MED13L: variants seen among roughly 807,000 people sequenced by gnomAD.
MED13L encodes the protein mediator complex subunit 13L, also known as mediator of RNA polymerase II transcription subunit 13-like.
MED13L carries 7 observed loss-of-function variants against 220.9 expected under a neutral mutation model. The observed-to-expected ratio is 0.03, with a 90% CI of 0.02 to 0.06. The LOEUF is 0.06. Among genes scored for constraint, MED13L ranks in the 10% least tolerant of loss-of-function variants. The pLI is 1.00. For synonymous variants in MED13L, 1,011 were observed against 1,015.2 expected (o/e 1.00, Z 0.08); for missense variants, 1,965 against 2,760.5 (o/e 0.71, Z 6.46).
chr12:116,001,223 G>C (rs1878721505), intron 14 of MED13L, among the ~76,000 whole-genome samples: 1 of 152,094 alleles, frequency 6.6e-6, no homozygotes, highest in Non-Finnish European at 1.5e-5. Context: ...TTGAGATGGA[G>C]TCTTGCTCTG....
intron 29 of MED13L, among the ~76,000 whole-genome samples, chr12:115,965,279 C>T (rs908708573): frequency 7.9e-5 from 12 of 152,324 alleles, no homozygotes; most frequent in South Asian, 2.1e-4. Context: ...TCTGGATGCA[C>T]CACAGTTGAT....
chr12:116,160,858 G>A (rs1878807109), intron 2 of MED13L, among the ~76,000 whole-genome samples: 2 of 151,460 alleles, frequency 1.3e-5, no homozygotes, highest in South Asian at 2.1e-4. Context: ...GTGAGCCACC[G>A]TGCCTGGCCT....
chr12:116,175,012 T>C (rs1342742355), intron 2 of MED13L: 1 of 152,092 alleles, frequency 6.6e-6, no homozygotes, highest in Non-Finnish European at 1.5e-5. Context: ...CAGTAAACCA[T>C]GATCACACCA....
At position 115,980,833 on chromosome 12, in the gene MED13L, G is replaced by C. The variant is rs1490643265; in HGVS notation, c.5281C>G (p.Pro1761Ala). 1 of 1,613,442 alleles carries C rather than the reference G, an allele frequency of 6.2e-7. No homozygotes were observed. The highest frequency in any genetic ancestry group is 2.2e-5 in the East Asian group (1 of 44,870). The change falls in exon 23 of 31, where the codon CCA becomes GCA. Residue 1761 changes from proline to alanine, a missense_variant. By Grantham distance (27) the Pro-to-Ala change is conservative. Coordinates refer to ENST00000281928, the MANE Select transcript of MED13L (RefSeq NM_015335.5). The stretch of plus-strand genomic sequence containing the variant: ...TTAATGTGGATCTGTGTAGGCAGTG[G>C]TCGCCTGCACTGGCAGTACACTGAA... ...AFSVYCQCRR[P>A]LPTQIHIKSL... is the part of the protein sequence containing the mutation.
At chr12:116,121,704 T>C (rs867603888) in intron 2 of MED13L, among the ~76,000 whole-genome samples, 3 of 152,204 alleles carry the variant, frequency 2.0e-5, no homozygotes, top group South Asian at 2.1e-4. Flanking sequence ...ATGTATCATA[T>C]TGCAGCAACA....
chr12:115,961,176 G>A lies in MED13L; in HGVS notation c.*90C>T. The A allele has an allele frequency of 3.3e-6, 5 of 1,522,124 alleles. No homozygotes were observed. Among genetic ancestry groups the A allele is most frequent in the Non-Finnish European group, 4.6e-6 (5 of 1,098,704 alleles). The allele number at this position is 1,522,124 out of a possible 1,614,324, so 94.3% of individuals were successfully genotyped here. ...CTGTGGAGAGTGGTCTGAAGAAAAG[G>A]ATGTGGGTTATTTGCAGAGTGTAGC... On this transcript the variant is annotated 3_prime_UTR_variant, in exon 31 of 31. Transcript: ENST00000281928.
chr12:115,966,374 G>C, intron 28 of MED13L, 131 bp from the exon 29 acceptor site: 2 of 1,055,100 alleles, frequency 1.9e-6, no homozygotes, highest in South Asian at 2.7e-5. Flanking sequence ...AAAACAACAG[G>C]TGACTGAGAA....
rs377091317 is a variant in MED13L, at chr12:115,961,426, G to C, written c.6501-28C>G. 55 of 1,612,546 alleles carry C rather than the reference G, an allele frequency of 3.4e-5. No homozygotes were observed. In the South Asian group the frequency reaches 5.4e-4, roughly 16 times the overall value. ...GCCAAAGAGAACACACAGAGCAGGGGCGTGAGCCTCAAGAGGGAAGGCTGG... is the reference window on the plus strand; with the variant it reads ...GCCAAAGAGAACACACAGAGCAGGGCCGTGAGCCTCAAGAGGGAAGGCTGG... On this transcript the variant is annotated intron_variant, in intron 30 of 30. Coordinates refer to ENST00000281928, the MANE Select transcript of MED13L (RefSeq NM_015335.5).
intron 2 of MED13L, among the ~76,000 whole-genome samples, chr12:116,183,621 C>G (rs1471565323): frequency 6.6e-6 from 1 of 151,918 alleles, no homozygotes; most frequent in East Asian, 1.9e-4. Flanking sequence ...AAGCAAAACC[C>G]CCTTTAAGGT....
At chr12:116,265,129 A>T (rs1182723202) in intron 1 of MED13L, among the ~76,000 whole-genome samples, 2 of 152,210 alleles carry the variant, frequency 1.3e-5, no homozygotes, top group Non-Finnish European at 2.9e-5. Context: ...CCAAATAGCA[A>T]ACCTTCCCTC....
At chr12:116,123,840 C>G (rs982440468) in intron 2 of MED13L, among the ~76,000 whole-genome samples, 2 of 151,924 alleles carry the variant, frequency 1.3e-5, no homozygotes, top group African/African-American at 4.8e-5. Flanking sequence ...ACGGCGTGAC[C>G]GAGAGAACAT....
intron 4 of MED13L, among the ~76,000 whole-genome samples, chr12:116,085,406 T>C (rs1201467003): frequency 6.6e-6 from 1 of 152,142 alleles, no homozygotes; most frequent in Non-Finnish European, 1.5e-5. Context: ...GTTTAAAAGA[T>C]CATCTTTTAA....
chr12:116,063,314 C>T (rs1869659481), intron 4 of MED13L, among the ~76,000 whole-genome samples: 1 of 152,082 alleles, frequency 6.6e-6, no homozygotes, highest in South Asian at 2.1e-4. Flanking sequence ...AGTTCAAGAC[C>T]AGCCTGGGCA....
At chr12:116,158,473 G>A (rs1460655937) in intron 2 of MED13L, among the ~76,000 whole-genome samples, 1 of 152,168 alleles carries the variant, frequency 6.6e-6, no homozygotes, top group Non-Finnish European at 1.5e-5. Flanking sequence ...CAGTAGTGGA[G>A]TATATGTCTA....
intron 19 of MED13L, among the ~76,000 whole-genome samples, chr12:115,984,590 C>T (rs1415501018): frequency 1.3e-5 from 2 of 151,886 alleles, no homozygotes; most frequent in Admixed American, 6.6e-5. Flanking sequence ...TTGGACTAGG[C>T]TCTCTAAAAA....
chr12:116,146,864 T>C (rs1877568298), intron 2 of MED13L, among the ~76,000 whole-genome samples: 1 of 151,040 alleles, frequency 6.6e-6, no homozygotes, highest in South Asian at 2.1e-4. Context: ...CAAGGCTCTG[T>C]CTCAAAAATA....
chr12:116,222,032 AATT>A (rs1340085572), intron 2 of MED13L, among the ~76,000 whole-genome samples: 2 of 152,200 alleles, frequency 1.3e-5, no homozygotes, highest in Non-Finnish European at 2.9e-5. Flanking sequence ...AAACAACTCA[AATT>A]TTATACAGGT....
chr12:115,969,238 G>T (rs1378742359), intron 27 of MED13L, 141 bp from the exon 28 acceptor site: 1 of 928,652 alleles, frequency 1.1e-6, no homozygotes, highest in Non-Finnish European at 1.7e-6. Flanking sequence ...CTTAGATTCA[G>T]TTAGGACCTA....
At chr12:116,010,979 C>G (rs1879361165) in intron 9 of MED13L, among the ~76,000 whole-genome samples, 1 of 151,494 alleles carries the variant, frequency 6.6e-6, no homozygotes, top group Admixed American at 6.6e-5. Context: ...CGGGTTCAAG[C>G]AATTCTCCTG....
Sources: allele counts gnomAD v4.1 joint callset (sites outside exome capture counted in the v4.1 genomes callset), GRCh38; gene constraint gnomAD v4.1.1; transcripts MANE v1.5; gene names NCBI Gene and HGNC (gene_info 2026-07-23, HGNC 2026-07-21).